Variants in STXBP5 observed in about 807,000 individuals in gnomAD.
STXBP5 encodes the protein syntaxin binding protein 5.
A neutral mutation model predicts 152.4 loss-of-function variants in STXBP5; 50 were observed. That is an observed-to-expected ratio of 0.33 (90% CI 0.26 to 0.42). The LOEUF (loss-of-function observed/expected upper bound fraction) is 0.42. STXBP5 is among the 10% of genes least tolerant of loss of function. The pLI, the probability that STXBP5 is intolerant of heterozygous loss-of-function variation, is 1.00. For synonymous variants in STXBP5, 492 were observed against 494.7 expected, an observed-to-expected ratio of 0.99 and a Z score of 0.07; for missense variants, 1,167 against 1,388.6, an observed-to-expected ratio of 0.84 and a Z score of 2.54.
At chr6:147,238,677 A>T (rs1778394969) in intron 3 of STXBP5, among the ~76,000 whole-genome samples, 1 of 152,158 alleles carries the variant, frequency 6.6e-6, no homozygotes, top group African/African-American at 2.4e-5. Flanking sequence ...TCAGACATGG[A>T]GGTTACAGTG....
intron 11 of STXBP5, among the ~76,000 whole-genome samples, chr6:147,313,005 G>A (rs1200771995): frequency 6.6e-6 from 1 of 152,144 alleles, no homozygotes; most frequent in Non-Finnish European, 1.5e-5. Flanking sequence ...ACTGAGCTAA[G>A]GAAATAATGT....
chr6:147,264,388 A>G (rs1183349951), intron 6 of STXBP5, among the ~76,000 whole-genome samples: 1 of 152,122 alleles, frequency 6.6e-6, no homozygotes, highest in Non-Finnish European at 1.5e-5. Context: ...ATTTCATTTG[A>G]TCTTTTCAAC....
At chr6:147,337,506 T>C (rs899518208) in intron 19 of STXBP5, among the ~76,000 whole-genome samples, 10 of 152,132 alleles carry the variant, frequency 6.6e-5, no homozygotes, top group Admixed American at 2.0e-4. Context: ...TAAACCTCCT[T>C]GTTTTGTTTA....
chr6:147,273,727 A>G (rs1043278815), intron 7 of STXBP5, among the ~76,000 whole-genome samples: 3 of 152,110 alleles, frequency 2.0e-5, no homozygotes, highest in Admixed American at 6.5e-5. Context: ...CAAGGTGGGC[A>G]GATCACGAGG....
intron 27 of STXBP5, among the ~76,000 whole-genome samples, chr6:147,383,448 A>G (rs983051441): frequency 6.6e-6 from 1 of 152,090 alleles, no homozygotes; most frequent in Non-Finnish European, 1.5e-5. Context: ...GGACCAATTC[A>G]TATGGAGGAG....
At chr6:147,263,820 TTTTC>T (rs1779758586) in intron 6 of STXBP5, among the ~76,000 whole-genome samples, 1 of 151,900 alleles carries the variant, frequency 6.6e-6, no homozygotes. Flanking sequence ...AGAAAATGCT[TTTTC>T]TTTCTTTCAC....
At chr6:147,306,150 A>T (rs1782080889) in intron 9 of STXBP5, among the ~76,000 whole-genome samples, 1 of 152,212 alleles carries the variant, frequency 6.6e-6, no homozygotes, top group Non-Finnish European at 1.5e-5. Context: ...CCCATGCTCC[A>T]GCATTTCCAG....
intron 9 of STXBP5, among the ~76,000 whole-genome samples, chr6:147,294,675 T>G (rs1781433024): frequency 6.6e-6 from 1 of 152,162 alleles, no homozygotes; most frequent in African/African-American, 2.4e-5. Context: ...TTTTAGTCCT[T>G]TTTGATGTCA....
intron 27 of STXBP5, among the ~76,000 whole-genome samples, chr6:147,383,912 A>G (rs886175371): frequency 2.6e-5 from 4 of 152,062 alleles, no homozygotes; most frequent in African/African-American, 9.7e-5. Context: ...GATTACTTGT[A>G]CTATACCCAG....
rs966567955 is a variant in STXBP5 at position 147,229,287 on chromosome 6, C to CT, written c.249-5955dup. 4.1e-4 allele frequency among the ~76,000 whole-genome samples: 62 copies of CT among 151,434 alleles called. No individual in the cohort carries two copies. The East Asian group carries it at 7.4e-3, about 18-fold the overall frequency. On this transcript the variant is annotated intron_variant, in intron 2 of 27. Coordinates refer to ENST00000321680, the MANE Select transcript of STXBP5 (RefSeq NM_001127715.4). ...TGTTTGCTTGCCTTAAATTCATTGC[C>CT]TTTTTTTTATTACCTATTCATATAT... is the stretch of plus-strand genomic sequence containing the variant.
At chr6:147,254,400 A>G (rs1242359648) in intron 4 of STXBP5, among the ~76,000 whole-genome samples, 1 of 152,268 alleles carries the variant, frequency 6.6e-6, no homozygotes, top group Non-Finnish European at 1.5e-5. Context: ...CTTCGTGACT[A>G]TAACACCAAA....
Position 147,232,478 on chromosome 6 carries a change from A to G in STXBP5, c.249-2772A>G, listed in dbSNP as rs141059197. Among the ~76,000 whole-genome samples, 79 of 151,908 alleles carry G rather than the reference A, an allele frequency of 5.2e-4. 1 individual carries two copies. In the East Asian group the frequency reaches 0.014, roughly 27 times the overall value. ...ATTTTAAATTTTTTGTTATGGAGTA[A>G]TAACTTACGAGTTTTTCTTCTACTG... On this transcript the variant is annotated intron_variant, in intron 2 of 27. Coordinates refer to ENST00000321680, the MANE Select transcript of STXBP5 (RefSeq NM_001127715.4).
At chr6:147,264,895 C>T (rs924803153) in intron 6 of STXBP5, among the ~76,000 whole-genome samples, 1 of 151,930 alleles carries the variant, frequency 6.6e-6, no homozygotes, top group African/African-American at 2.4e-5. Context: ...CTAGAGCTGG[C>T]TAGAGAGGTT....
chr6:147,342,727 G>A (rs1784148744), intron 21 of STXBP5, among the ~76,000 whole-genome samples: 1 of 151,934 alleles, frequency 6.6e-6, no homozygotes. Flanking sequence ...AAAGCTTTTT[G>A]TTATTTTTAA....
At chr6:147,370,196 T>G (rs1371685706) in intron 25 of STXBP5, among the ~76,000 whole-genome samples, 1 of 151,966 alleles carries the variant, frequency 6.6e-6, no homozygotes, top group Non-Finnish European at 1.5e-5. Context: ...AAATACAAAT[T>G]ATAGTGAAAG....
At chr6:147,234,987 A>G (rs1015359140) in intron 2 of STXBP5, among the ~76,000 whole-genome samples, 4 of 151,998 alleles carry the variant, frequency 2.6e-5, no homozygotes, top group African/African-American at 4.8e-5. Flanking sequence ...TATTACCTAT[A>G]TATTATCTTG....
At chr6:147,270,322 C>G (rs1485648788) in intron 7 of STXBP5, among the ~76,000 whole-genome samples, 1 of 150,026 alleles carries the variant, frequency 6.7e-6, no homozygotes, top group Non-Finnish European at 1.5e-5. Context: ...TGGCTTGAAC[C>G]TGGGAGACGG....
At chr6:147,235,211 G>A (rs1299763500) in intron 2 of STXBP5, 39 bp from the exon 3 acceptor site, 15 of 1,588,868 alleles carry the variant, frequency 9.4e-6, no homozygotes, top group African/African-American at 1.3e-5. Context: ...TCTCAAAACC[G>A]AACAAATACC....
In STXBP5 at chr6:147,315,936, G is replaced by A. The variant is rs368318569; in HGVS notation, c.1623+201G>A. ...CTGATTATTTAAATCCTTAAGTATAGGATATGTTTCCTTTAAGGAAAGCTA... is the reference window on the plus strand; with the variant it reads ...CTGATTATTTAAATCCTTAAGTATAAGATATGTTTCCTTTAAGGAAAGCTA... On this transcript the variant is annotated intron_variant, in intron 15 of 27. Coordinates refer to ENST00000321680, the MANE Select transcript of STXBP5 (RefSeq NM_001127715.4). Among the ~76,000 whole-genome samples, 168 of 152,088 alleles carry A rather than the reference G, an allele frequency of 1.1e-3. 3 individuals are homozygous for A. In the South Asian group the frequency reaches 0.032, roughly 29 times the overall value.
Sources: allele counts gnomAD v4.1 joint callset (sites outside exome capture counted in the v4.1 genomes callset), GRCh38; gene constraint gnomAD v4.1.1; transcripts MANE v1.5; gene names NCBI Gene and HGNC (gene_info 2026-07-23, HGNC 2026-07-21).